ASB15: variants seen among roughly 807,000 people sequenced by gnomAD.
ASB15 encodes the protein ankyrin repeat and SOCS box containing 15, also known as ankyrin repeat and SOCS box protein 15.
In ASB15, 54 loss-of-function variants were observed where a neutral mutation model predicts 58.0. The observed-to-expected ratio is 0.93, with a 90% CI of 0.75 to 1.17. The LOEUF is 1.17. Ranked by LOEUF, ASB15 falls within the 50% of genes most tolerant of loss-of-function variation. The probability of loss-of-function intolerance (pLI) is 0.00; values close to 1 mark genes in which losing one functional copy is unlikely to be tolerated. For missense variants in ASB15, 680 were observed against 707.4 expected, an observed-to-expected ratio of 0.96 and a Z score of 0.44; for synonymous variants, 249 against 262.4, an observed-to-expected ratio of 0.95 and a Z score of 0.50.
At chr7:123,604,539 G>A (rs1161775960) in intron 2 of ASB15, among the ~76,000 whole-genome samples, 4 of 151,470 alleles carry the variant, frequency 2.6e-5, no homozygotes, top group Non-Finnish European at 5.9e-5. Flanking sequence ...CCGAGATCAT[G>A]CCATTGGACT....
At chr7:123,586,518 T>C (rs1021596159) in intron 1 of ASB15, among the ~76,000 whole-genome samples, 1 of 151,870 alleles carries the variant, frequency 6.6e-6, no homozygotes, top group Non-Finnish European at 1.5e-5. Context: ...TTTTCTTTCG[T>C]TGATTGTTTC....
intron 6 of ASB15, among the ~76,000 whole-genome samples, chr7:123,616,948 C>T (rs949815319): frequency 2.0e-5 from 3 of 151,972 alleles, no homozygotes; most frequent in Admixed American, 6.6e-5. Context: ...ATAATGTAAG[C>T]ATTAAAAAAT....
Position 123,616,208 on chromosome 7 carries a change from C to T in ASB15, c.108-13C>T. ...AGTATCTAGTATAAATATTATTTTT[C>T]TTTATCTCATAGATTTGTACCCCTA... On this transcript the variant is annotated splice_polypyrimidine_tract_variant and intron_variant, in intron 4 of 11. Coordinates refer to ENST00000451215, the MANE Select transcript of ASB15 (RefSeq NM_001290258.2). 1.3e-6 allele frequency: 2 copies of T among 1,568,310 alleles called. No individual in the cohort carries two copies. The highest frequency in any genetic ancestry group is 1.8e-6 in the Non-Finnish European group (2 of 1,139,596).
chr7:123,576,745 G>A (rs1029937827), intron 1 of ASB15, among the ~76,000 whole-genome samples: 1 of 152,142 alleles, frequency 6.6e-6, no homozygotes, highest in Non-Finnish European at 1.5e-5. Context: ...GTGAAGATGA[G>A]TTCTTCACCT....
At position 123,630,046 on chromosome 7, in the gene ASB15, T is replaced by A; in HGVS notation, c.1521T>A (p.Tyr507Ter). 2 of 1,608,364 alleles carry A rather than the reference T, an allele frequency of 1.2e-6. No homozygotes were observed. The highest frequency in any genetic ancestry group is 2.2e-5 in the South Asian group (2 of 90,706). Residue 507 changes from tyrosine (Y) to a stop codon, truncating the protein, a stop_gained, in exon 11 of 12, where the codon TAT (tyrosine) becomes TAA (stop). Coordinates refer to ENST00000451215, the MANE Select transcript of ASB15 (RefSeq NM_001290258.2). LOFTEE classifies it high-confidence loss of function. ...VTRVLIDYMDYVPLCAKLKSA... is the reference protein window; with the variant it reads ...VTRVLIDYMD Reference sequence around the variant, plus strand: ...GTGTACTAATAGATTACATGGATTATGTTCCTCTGTGTGCTAAACTGAAGT... The same window carrying A: ...GTGTACTAATAGATTACATGGATTAAGTTCCTCTGTGTGCTAAACTGAAGT...
chr7:123,581,537 T>C (rs887303875), intron 1 of ASB15, among the ~76,000 whole-genome samples: 2 of 152,108 alleles, frequency 1.3e-5, no homozygotes, highest in African/African-American at 4.8e-5. Flanking sequence ...TTTTTTGATG[T>C]GTCATGTTCT....
rs1435886623 is a variant in ASB15, at chr7:123,630,041, G to A, written c.1516G>A (p.Asp506Asn). 3 of 1,607,176 alleles carry A rather than the reference G, an allele frequency of 1.9e-6. No individual in the cohort carries two copies. In the African/African-American group the frequency reaches 4.0e-5, roughly 22 times the overall value. Residue 506 changes from aspartate (D) to asparagine (N), a missense_variant, in exon 11 of 12, where the codon GAT (aspartate) becomes AAT (asparagine). By Grantham distance (23) the Asp-to-Asn change is conservative (BLOSUM62 1). Transcript: ENST00000451215. ...TACTCGTGTACTAATAGATTACATG[G>A]ATTATGTTCCTCTGTGTGCTAAACT... ...RVTRVLIDYM[D>N]YVPLCAKLKS...
chr7:123,586,409 G>A (rs574475467), intron 1 of ASB15, among the ~76,000 whole-genome samples: 3 of 151,700 alleles, frequency 2.0e-5, no homozygotes, highest in Admixed American at 2.0e-4. Context: ...TCCTTTGCCT[G>A]TTTTTTAATT....
At chr7:123,578,474 T>C (rs1799131484) in intron 1 of ASB15, among the ~76,000 whole-genome samples, 1 of 152,016 alleles carries the variant, frequency 6.6e-6, no homozygotes, top group Non-Finnish European at 1.5e-5. Context: ...TGGAACTTTG[T>C]TTCCTCTATA....
chr7:123,570,228 G>T (rs554412729), intron 1 of ASB15, among the ~76,000 whole-genome samples: 1 of 151,892 alleles, frequency 6.6e-6, no homozygotes, highest in South Asian at 2.1e-4. Flanking sequence ...AGTAGAGACG[G>T]GGTTTCACCA....
chr7:123,567,908 GC>G (rs1344384436), intron 1 of ASB15, among the ~76,000 whole-genome samples: 1 of 151,504 alleles, frequency 6.6e-6, no homozygotes, highest in African/African-American at 2.4e-5. Flanking sequence ...CATCTCTTGT[GC>G]CTCCATCCAT....
chr7:123,630,926 G>A (rs561958409), intron 11 of ASB15, among the ~76,000 whole-genome samples: 10 of 152,216 alleles, frequency 6.6e-5, no homozygotes, highest in African/African-American at 2.4e-4. Flanking sequence ...ACTAAAACAG[G>A]AGTCTTGGAG....
intron 1 of ASB15, among the ~76,000 whole-genome samples, chr7:123,576,122 A>G (rs1584724054): frequency 6.6e-6 from 1 of 151,318 alleles, no homozygotes; most frequent in East Asian, 1.9e-4. Context: ...GACTTTCTTT[A>G]TTTCAATTTT....
At chr7:123,604,357 G>T (rs1404853212) in intron 2 of ASB15, 145 bp downstream of exon 2, 8 of 152,180 alleles carry the variant, frequency 5.3e-5, no homozygotes, top group African/African-American at 1.9e-4. Context: ...CGATGGGGGA[G>T]AATCACCTGA....
intron 6 of ASB15, 84 bp downstream of exon 6, chr7:123,616,579 C>A: frequency 7.2e-7 from 1 of 1,394,366 alleles, no homozygotes; most frequent in Middle Eastern, 2.5e-4. Flanking sequence ...GTGAACATAA[C>A]TAGCAGAAAG....
intron 1 of ASB15, among the ~76,000 whole-genome samples, chr7:123,595,821 C>T (rs916251650): frequency 2.0e-5 from 3 of 152,200 alleles, no homozygotes; most frequent in Non-Finnish European, 2.9e-5. Context: ...TATTTGTCTA[C>T]ACTGTGGGTG....
upstream of ASB15, among the ~76,000 whole-genome samples, chr7:123,597,065 A>T (rs1255548514): frequency 6.6e-6 from 1 of 152,254 alleles, no homozygotes; most frequent in Non-Finnish European, 1.5e-5. Context: ...TCCCTCTTAC[A>T]CACGGTTTTG....
chr7:123,620,927 T>C (rs1015337837), intron 7 of ASB15, among the ~76,000 whole-genome samples: 7 of 151,968 alleles, frequency 4.6e-5, no homozygotes, highest in Admixed American at 4.6e-4. Flanking sequence ...ACACCTGTGT[T>C]GTTTCTATAG....
At chr7:123,610,912 T>A (rs1225230299) in intron 3 of ASB15, among the ~76,000 whole-genome samples, 4 of 151,182 alleles carry the variant, frequency 2.6e-5, no homozygotes, top group African/African-American at 9.7e-5. Flanking sequence ...CGGGGGCCCA[T>A]CTCTACTAAA....
Sources: gnomAD v4.1 joint callset for allele counts (sites outside exome capture counted in the v4.1 genomes callset) on GRCh38, gnomAD v4.1.1 for gene constraint, MANE v1.5 for transcripts, NCBI Gene and HGNC (gene_info 2026-07-23, HGNC 2026-07-21) for gene names.